The following KCNQ1 variants were observed in gnomAD, a reference collection of about 807,000 sequenced individuals.
KCNQ1 encodes the protein potassium voltage-gated channel subfamily Q member 1, also known as potassium voltage-gated channel subfamily KQT member 1.
In KCNQ1, 49 loss-of-function variants were observed where a neutral mutation model predicts 72.4. That is an observed-to-expected ratio of 0.68 (90% CI 0.54 to 0.86). KCNQ1 has a LOEUF of 0.86. Among genes scored for constraint, KCNQ1 ranks in the 40% least tolerant of loss-of-function variants. The probability of loss-of-function intolerance (pLI) is 0.00; values close to 1 mark genes in which losing one functional copy is unlikely to be tolerated. For missense variants in KCNQ1, 790 were observed against 945.1 expected, an observed-to-expected ratio of 0.84 and a Z score of 2.15; for synonymous variants, 450 against 412.6, an observed-to-expected ratio of 1.09 and a Z score of -1.10.
rs1013003159 is a variant in KCNQ1 at position 2,549,069 on chromosome 11, G to A, written c.477+21051G>A. ...GGGGCTGTCTCCAGGGTGGGTTCTA[G>A]AGTACATCCAGCTTCCACCCAAGGG... On this transcript the variant is annotated intron_variant, in intron 2 of 15. Transcript: ENST00000155840. This position sits in a 1 kb window ranked among gnomAD's most constrained non-coding sequence, Gnocchi z 6.2. Among the ~76,000 whole-genome samples the A allele has an allele frequency of 7.2e-5, 11 of 152,212 alleles. No individual in the cohort carries two copies. The highest frequency in any genetic ancestry group is 2.7e-4 in the African/African-American group (11 of 41,428).
rs552318142 is a variant in KCNQ1, at chr11:2,668,687, T to C, written c.1514+6606T>C. 3 of 398,406 alleles carry C rather than the reference T, an allele frequency of 7.5e-6. No individual in the cohort carries two copies. The South Asian group carries it at 3.8e-4, about 51-fold the overall frequency. The allele number at this position is 398,406 out of a possible 1,614,324, so 24.7% of individuals were successfully genotyped here. ...TGGAGTCATTTGTCAGAGAGAGAGA[T>C]ACACACACTCACACTCTCTCACAGA... On this transcript the variant is annotated intron_variant, in intron 11 of 15. Coordinates refer to ENST00000155840, the MANE Select transcript of KCNQ1 (RefSeq NM_000218.3). This position sits in a 1 kb window ranked among gnomAD's most constrained non-coding sequence, Gnocchi z 4.3.
At chr11:2,634,074 T>G (rs1849408624) in intron 10 of KCNQ1, 1 of 398,488 alleles carries the variant, frequency 2.5e-6, no homozygotes. Flanking sequence ...TGTGGTCTTT[T>G]GTGGTTCCAT....
intron 15 of KCNQ1, among the ~76,000 whole-genome samples, chr11:2,789,287 A>ATT (rs1040951286): frequency 1.3e-5 from 2 of 152,148 alleles, no homozygotes; most frequent in Admixed American, 6.5e-5. Context: ...GGAATTAATG[A>ATT]AAGTAACAAC....
chr11:2,523,169 A>T (rs767617663), intron 1 of KCNQ1, among the ~76,000 whole-genome samples: 1 of 151,750 alleles, frequency 6.6e-6, no homozygotes, highest in Non-Finnish European at 1.5e-5. Context: ...ACCAGCATCC[A>T]TCACTGCTTT....
At chr11:2,665,916 AC>A in intron 11 of KCNQ1, 1 of 398,584 alleles carries the variant, frequency 2.5e-6, no homozygotes, top group Non-Finnish European at 4.4e-6. Context: ...TCTCCAAGCA[AC>A]CCTGGGAGGC....
chr11:2,633,601 A>G, intron 10 of KCNQ1: 1 of 398,470 alleles, frequency 2.5e-6, no homozygotes, highest in Non-Finnish European at 4.4e-6. Context: ...TGTTTTCCCA[A>G]CATGATGTGT....
chr11:2,466,841 G>C (rs1422582198), intron 1 of KCNQ1, among the ~76,000 whole-genome samples: 5 of 152,310 alleles, frequency 3.3e-5, no homozygotes, highest in Non-Finnish European at 7.4e-5. Context: ...AGTTTATAGA[G>C]AGCGAGGGCC....
rs367620783 is a variant in KCNQ1, at chr11:2,601,804, T to C, written c.1393+12950T>C. Among the ~76,000 whole-genome samples, 26 of 152,214 alleles carry C rather than the reference T, an allele frequency of 1.7e-4. No homozygotes were observed. Among genetic ancestry groups the C allele is most frequent in the African/African-American group, 6.3e-4 (26 of 41,452 alleles). On this transcript the variant is annotated intron_variant, in intron 10 of 15. Transcript: ENST00000155840. This position sits in a 1 kb window ranked among gnomAD's most constrained non-coding sequence, Gnocchi z 5.2. ...CGGTATGGACATATACCCCAGTTTA[T>C]TTAACCATTCCCTCATCCAAGGACA...
intron 10 of KCNQ1, chr11:2,619,061 A>C (rs1309367004): frequency 5.0e-6 from 2 of 398,372 alleles, no homozygotes; most frequent in East Asian, 7.1e-5. Context: ...TATTAGTTCT[A>C]ACAGGTTGCT....
At chr11:2,501,898 A>G (rs532592442) in intron 1 of KCNQ1, among the ~76,000 whole-genome samples, 5 of 152,338 alleles carry the variant, frequency 3.3e-5, no homozygotes, top group African/African-American at 1.2e-4. Context: ...CAACATATGC[A>G]AATCACTTTA....
chr11:2,680,214 A>G (rs1014942454), intron 11 of KCNQ1: 13 of 398,030 alleles, frequency 3.3e-5, no homozygotes, highest in Non-Finnish European at 2.2e-5. Flanking sequence ...ATTAAAAAAA[A>G]AAAAAAAAAA....
rs1847793469 is a variant in KCNQ1, at chr11:2,824,191, C to T, written c.1795-23576C>T. On this transcript the variant is annotated intron_variant, in intron 15 of 15. Coordinates refer to ENST00000155840, the MANE Select transcript of KCNQ1 (RefSeq NM_000218.3). The surrounding 1 kb of genome is among the most constrained non-coding windows in gnomAD (Gnocchi z 5.9). ...GATAACTAACTCTTCCAGCAAGAGC[C>T]ACCCCCTGGCTGAAGTGTGAGGCTG... 6.6e-6 allele frequency among the ~76,000 whole-genome samples: 1 copy of T among 152,058 alleles called. No individual in the cohort carries two copies.
chr11:2,456,763 TCCAAAAAAAAAAAAAAAA>T (rs1371364590), intron 1 of KCNQ1, among the ~76,000 whole-genome samples: 1,224 of 54,590 alleles, frequency 0.022, 27 homozygotes, highest in African/African-American at 0.057. Context: ...CTACTAAAAA[TCCAAAAAAAAAAAAAAAA>T]AAAAAAAATT....
chr11:2,524,758 C>A (rs1429167637), intron 1 of KCNQ1, among the ~76,000 whole-genome samples: 1 of 152,220 alleles, frequency 6.6e-6, no homozygotes, highest in Non-Finnish European at 1.5e-5. Flanking sequence ...CCCTCCACAG[C>A]CTGGGAAGAA....
intron 5 of KCNQ1, among the ~76,000 whole-genome samples, chr11:2,572,431 G>A (rs1033913979): frequency 2.0e-5 from 3 of 152,194 alleles, no homozygotes; most frequent in African/African-American, 7.2e-5. Flanking sequence ...GTCAAGGCAG[G>A]GCCACCAGAC....
rs1215435484 is a variant in KCNQ1, at chr11:2,483,104, C to T, written c.386+37620C>T. On this transcript the variant is annotated intron_variant, in intron 1 of 15. Coordinates refer to ENST00000155840, the MANE Select transcript of KCNQ1 (RefSeq NM_000218.3). This position sits in a 1 kb window ranked among gnomAD's most constrained non-coding sequence, Gnocchi z 6.1. ...AGGGAGTGGGTGGTGTGTGCTTCTG[C>T]AGGAAGAGCACCCAGACAGAGGGCA... 1.3e-5 allele frequency among the ~76,000 whole-genome samples: 2 copies of T among 152,052 alleles called. No homozygotes were observed. The highest frequency in any genetic ancestry group is 2.1e-4 in the South Asian group (1 of 4,820).
intron 2 of KCNQ1, among the ~76,000 whole-genome samples, chr11:2,530,406 G>A (rs1297003814): frequency 6.6e-6 from 1 of 152,246 alleles, no homozygotes; most frequent in African/African-American, 2.4e-5. Flanking sequence ...CCCTGACCTG[G>A]TAGTTGTCCC....
At chr11:2,455,100 C>CTT (rs34930428) in intron 1 of KCNQ1, among the ~76,000 whole-genome samples, 8 of 142,342 alleles carry the variant, frequency 5.6e-5, no homozygotes, top group Non-Finnish European at 9.2e-5. Context: ...AAATCAGCAG[C>CTT]TTTTTTTTTT....
At chr11:2,561,103 G>A (rs188109124) in intron 2 of KCNQ1, among the ~76,000 whole-genome samples, 2 of 151,458 alleles carry the variant, frequency 1.3e-5, no homozygotes, top group Admixed American at 1.3e-4. Context: ...TCGGGAGGCT[G>A]AGGCAGTAGA....
Sources: allele counts gnomAD v4.1 joint callset (sites outside exome capture counted in the v4.1 genomes callset), GRCh38; gene constraint gnomAD v4.1.1; non-coding constraint Gnocchi (gnomAD v3.1); transcripts MANE v1.5; gene names NCBI Gene and HGNC (gene_info 2026-07-23, HGNC 2026-07-21).